ERLIN2: variants seen among roughly 807,000 people sequenced by gnomAD.
ERLIN2 encodes the protein ER lipid raft associated 2.
In ERLIN2, 22 loss-of-function variants were observed where a neutral mutation model predicts 41.5. That is an observed-to-expected ratio of 0.53 (90% CI 0.38 to 0.76). The LOEUF (loss-of-function observed/expected upper bound fraction) is 0.76. Ranked by LOEUF, ERLIN2 falls within the 30% of genes least tolerant of loss-of-function variation. The pLI is 0.00. For missense variants in ERLIN2, 247 were observed against 414.3 expected, an observed-to-expected ratio of 0.60 and a Z score of 3.51; for synonymous variants, 149 against 150.9, an observed-to-expected ratio of 0.99 and a Z score of 0.09.
intron 6 of ERLIN2, chr8:37,747,640 A>G (rs1803095302): frequency 6.2e-7 from 1 of 1,610,642 alleles, no homozygotes; most frequent in African/African-American, 1.3e-5. Flanking sequence ...GCCCTGGCCA[A>G]ACTTGACGAC....
intron 5 of ERLIN2, 41 bp downstream of exon 5, chr8:37,744,457 C>T (rs773180292): frequency 1.2e-6 from 2 of 1,609,548 alleles, no homozygotes; most frequent in Admixed American, 1.7e-5. Context: ...GCTCACTTTC[C>T]CCAGCATGCC....
rs1563316810 is a variant in ERLIN2 at position 37,750,487 on chromosome 8, G to A, written c.649+1G>A. The A allele has an allele frequency of 1.2e-6, 2 of 1,610,846 alleles. No individual in the cohort carries two copies. The highest frequency in any genetic ancestry group is 1.7e-6 in the Non-Finnish European group (2 of 1,177,828). On this transcript the variant is annotated splice_donor_variant, in intron 9 of 11. Coordinates refer to ENST00000519638, the MANE Select transcript of ERLIN2 (RefSeq NM_007175.8). LOFTEE classifies it high-confidence loss of function. ...ACAGAGCGGAAGAAGGCGCTCATTG[G>A]TCTGAATGTGGTTCTGTGATCCCCC...
chr8:37,751,520 G>A, intron 9 of ERLIN2, 106 bp from the exon 10 acceptor site: 1 of 884,860 alleles, frequency 1.1e-6, no homozygotes, highest in East Asian at 2.5e-5. Context: ...GCCCTCTGGG[G>A]GCTCTCCAGA....
At chr8:37,745,794 T>G (rs943415969) in intron 6 of ERLIN2, 1 of 1,409,730 alleles carries the variant, frequency 7.1e-7, no homozygotes, top group African/African-American at 1.4e-5. Flanking sequence ...TTTATCTGTT[T>G]TGGATTCACT....
At chr8:37,737,722 TAAAG>T in intron 1 of ERLIN2, 182 bp from the exon 2 acceptor site, 3 of 642,194 alleles carry the variant, frequency 4.7e-6, no homozygotes, top group African/African-American at 1.8e-5. Context: ...ATTTTACAGT[TAAAG>T]AAAGGGGAAC....
intron 9 of ERLIN2, 49 bp downstream of exon 9, chr8:37,750,535 G>A: frequency 1.3e-6 from 2 of 1,507,824 alleles, no homozygotes; most frequent in Non-Finnish European, 1.8e-6. Flanking sequence ...AAGGCTGGGG[G>A]TGGTGGGAAG....
At chr8:37,747,293 C>G (rs1225381445) in intron 6 of ERLIN2, 1 of 855,790 alleles carries the variant, frequency 1.2e-6, no homozygotes, top group Admixed American at 1.7e-5. Flanking sequence ...GTCTCCTGAT[C>G]TAAATGCTTG....
chr8:37,749,586 C>CT lies in ERLIN2; in HGVS notation c.455dup (p.Leu152PhefsTer38). ...CAGATTGATGAAAATCTCAAACTGG[C>CT]TTTGCAACAGGACCTGACCTCCATG... On this transcript the variant is annotated frameshift_variant, in exon 7 of 12. Coordinates refer to ENST00000519638, the MANE Select transcript of ERLIN2 (RefSeq NM_007175.8). LOFTEE classifies it high-confidence loss of function. 1 of 1,613,790 alleles carries CT rather than the reference C, an allele frequency of 6.2e-7. No individual in the cohort carries two copies. The highest frequency in any genetic ancestry group is 8.5e-7 in the Non-Finnish European group (1 of 1,179,654).
At chr8:37,743,887 G>A (rs144711731) in intron 4 of ERLIN2, among the ~76,000 whole-genome samples, 5 of 152,126 alleles carry the variant, frequency 3.3e-5, no homozygotes, top group East Asian at 1.9e-4. Context: ...CTACTCTTTC[G>A]GCTTCTCTAT....
chr8:37,746,083 A>G (rs1021105990), intron 6 of ERLIN2: 12 of 993,430 alleles, frequency 1.2e-5, no homozygotes, highest in Non-Finnish European at 1.2e-5. Flanking sequence ...GAGCTGGGGA[A>G]ATATATTTGC....
intron 1 of ERLIN2, 37 bp downstream of exon 1, chr8:37,736,715 C>T: frequency 1.0e-6 from 1 of 985,720 alleles, no homozygotes; most frequent in Non-Finnish European, 1.2e-6. Flanking sequence ...CGCGCTGGGC[C>T]TAGCTGCCGC....
In ERLIN2 at chr8:37,755,988, G is replaced by C. The variant is rs1445547980; in HGVS notation, c.*1873G>C. 6.6e-6 allele frequency: 1 copy of C among 152,244 alleles called. No individual in the cohort carries two copies. Among genetic ancestry groups the C allele is most frequent in the African/African-American group, 2.4e-5 (1 of 41,406 alleles). 9.4% of individuals were successfully genotyped at this position (152,244 alleles called of 1,614,324 possible). ...GCGGATCACCTGAGGTTAGGAGTTC[G>C]AGACCACCCTGGCCAACATGCGAAA... On this transcript the variant is annotated 3_prime_UTR_variant, in exon 12 of 12. Transcript: ENST00000519638.
Position 37,751,819 on chromosome 8 carries a change from T to G in ERLIN2, c.739+104T>G, listed in dbSNP as rs576898738. 2.0e-5 allele frequency: 17 copies of G among 852,538 alleles called. No homozygotes were observed. The East Asian group carries it at 2.0e-4, about 10-fold the overall frequency. 52.8% of individuals were successfully genotyped at this position (852,538 alleles called of 1,614,324 possible). ...TGCCCTTTAACTGTGCTCAAGGATGTCATGATCTCTGTGCAACAGCAGCTT... is the reference window on the plus strand; with the variant it reads ...TGCCCTTTAACTGTGCTCAAGGATGGCATGATCTCTGTGCAACAGCAGCTT... On this transcript the variant is annotated intron_variant, in intron 10 of 11. Coordinates refer to ENST00000519638, the MANE Select transcript of ERLIN2 (RefSeq NM_007175.8).
chr8:37,737,334 C>T (rs1188867912), intron 1 of ERLIN2: 1 of 181,990 alleles, frequency 5.5e-6, no homozygotes, highest in East Asian at 1.4e-4. Flanking sequence ...TGTTTAGGGC[C>T]AAAGGAATAA....
chr8:37,754,322 T>C lies in ERLIN2; in HGVS notation c.*207T>C, dbSNP rs1803305678. On this transcript the variant is annotated 3_prime_UTR_variant, in exon 12 of 12. Coordinates refer to ENST00000519638, the MANE Select transcript of ERLIN2 (RefSeq NM_007175.8). ...GGGGTTTTATTTCAGGTAAGCAGTT[T>C]ATATGACTTCCAATAAGATTTGTAA... 1 of 586,654 alleles carries C rather than the reference T, an allele frequency of 1.7e-6. No homozygotes were observed. The highest frequency in any genetic ancestry group is 3.0e-6 in the Non-Finnish European group (1 of 328,940). 36.3% of individuals were successfully genotyped at this position (586,654 alleles called of 1,614,324 possible).
Position 37,738,628 on chromosome 8 carries a change from G to A in ERLIN2, c.107+599G>A, listed in dbSNP as rs573233652. Among the ~76,000 whole-genome samples, 17 of 152,236 alleles carry A rather than the reference G, an allele frequency of 1.1e-4. No homozygotes were observed. The East Asian group carries it at 2.3e-3, about 21-fold the overall frequency. On this transcript the variant is annotated intron_variant, in intron 2 of 11. Coordinates refer to ENST00000519638, the MANE Select transcript of ERLIN2 (RefSeq NM_007175.8). Reference sequence around the variant, plus strand: ...TGGCCGGCTGTGGTGTCACACACACGTAGTCCTAGCTACTCAGGAGGCTTA... The same window carrying A: ...TGGCCGGCTGTGGTGTCACACACACATAGTCCTAGCTACTCAGGAGGCTTA...
Position 37,753,470 on chromosome 8 carries a change from G to A in ERLIN2, c.760G>A (p.Glu254Lys). ...CTCAGATGCTGCATTTCTGGCCCGG[G>A]AGAAGGCAAAGGCAGATGCTGAGTG... The part of the protein sequence containing the change: ...EIEDAAFLAR[E>K]KAKADAECYT... Residue 254 changes from glutamate (E) to lysine (K), a missense_variant, in exon 11 of 12, where the codon GAG becomes AAG. Coordinates refer to ENST00000519638, the MANE Select transcript of ERLIN2 (RefSeq NM_007175.8). The A allele has an allele frequency of 6.2e-7, 1 of 1,614,158 alleles. No homozygotes were observed. Among genetic ancestry groups the A allele is most frequent in the Non-Finnish European group, 8.5e-7 (1 of 1,180,022 alleles).
At chr8:37,744,272 C>G in intron 4 of ERLIN2, 83 bp from the exon 5 acceptor site, 2 of 1,192,200 alleles carry the variant, frequency 1.7e-6, no homozygotes, top group Non-Finnish European at 2.5e-6. Context: ...CTGCCAAGCC[C>G]CACATCTTAC....
chr8:37,753,881 CAT>C, intron 11 of ERLIN2, 32 bp from the exon 12 acceptor site: 1 of 1,583,380 alleles, frequency 6.3e-7, no homozygotes. Flanking sequence ...TATGGTTCAA[CAT>C]AAGTCTTCCA....
Sources: allele counts gnomAD v4.1 joint callset (sites outside exome capture counted in the v4.1 genomes callset), GRCh38; gene constraint gnomAD v4.1.1; transcripts MANE v1.5; gene names NCBI Gene and HGNC (gene_info 2026-07-23, HGNC 2026-07-21).